Variants in MAGI3 observed in about 807,000 individuals in gnomAD.
The protein encoded by MAGI3 is membrane associated guanylate kinase, WW and PDZ domain containing 3, also known as membrane-associated guanylate kinase, WW and PDZ domain-containing protein 3.
In MAGI3, 43 loss-of-function variants were observed where a neutral mutation model predicts 121.8. The observed-to-expected ratio is 0.35, with a 90% CI of 0.28 to 0.46. The LOEUF (loss-of-function observed/expected upper bound fraction) is 0.46, where lower values mean the gene tolerates loss of function less well. MAGI3 is among the 20% of genes least tolerant of loss of function. The pLI, the probability that MAGI3 is intolerant of heterozygous loss-of-function variation, is 1.00. For missense variants in MAGI3, 1,547 were observed against 1,797.3 expected (o/e 0.86, Z 2.52); for synonymous variants, 553 against 639.3 (o/e 0.86, Z 2.04).
intron 6 of MAGI3, among the ~76,000 whole-genome samples, chr1:113,613,581 G>C (rs1650288958): frequency 6.6e-6 from 1 of 152,124 alleles, no homozygotes; most frequent in African/African-American, 2.4e-5. Flanking sequence ...TTCTAAACCT[G>C]TTTGCTGTCC....
chr1:113,660,480 C>T (rs1421047959), intron 16 of MAGI3, among the ~76,000 whole-genome samples: 1 of 152,032 alleles, frequency 6.6e-6, no homozygotes, highest in Admixed American at 6.6e-5. Flanking sequence ...CCTTCCCCCG[C>T]AACCGCAACT....
chr1:113,652,011 C>T (rs1313892485), intron 14 of MAGI3, among the ~76,000 whole-genome samples: 1 of 152,142 alleles, frequency 6.6e-6, no homozygotes, highest in African/African-American at 2.4e-5. Context: ...ATCTTCACAA[C>T]ACTATGAGGT....
At chr1:113,456,281 A>G (rs555314503) in intron 1 of MAGI3, among the ~76,000 whole-genome samples, 20 of 152,048 alleles carry the variant, frequency 1.3e-4, no homozygotes, top group African/African-American at 4.8e-4. Context: ...TTTCTTTAAT[A>G]GTGAGATTTA....
chr1:113,433,980 T>C (rs980727749), intron 1 of MAGI3, among the ~76,000 whole-genome samples: 5 of 152,200 alleles, frequency 3.3e-5, no homozygotes, highest in Admixed American at 6.5e-5. Flanking sequence ...TAAAAAGTTG[T>C]GGCCACTTTA....
At chr1:113,529,307 C>T (rs943640135) in intron 1 of MAGI3, among the ~76,000 whole-genome samples, 3 of 152,176 alleles carry the variant, frequency 2.0e-5, no homozygotes, top group Non-Finnish European at 4.4e-5. Flanking sequence ...ATTTATTTCT[C>T]ACAGTTCTGG....
chr1:113,631,300 G>C (rs994243973), intron 9 of MAGI3, among the ~76,000 whole-genome samples: 2 of 152,098 alleles, frequency 1.3e-5, no homozygotes, highest in African/African-American at 4.8e-5. Context: ...CCTGCTTTTT[G>C]TCTCTTGTAA....
At chr1:113,503,288 C>G (rs1393420067) in intron 1 of MAGI3, among the ~76,000 whole-genome samples, 2 of 37,000 alleles carry the variant, frequency 5.4e-5, no homozygotes, top group Non-Finnish European at 9.2e-5. Flanking sequence ...GCCTGGGTGT[C>G]AAAGCGAGAC....
chr1:113,412,273 T>C (rs1488944625), intron 1 of MAGI3, among the ~76,000 whole-genome samples: 1 of 152,172 alleles, frequency 6.6e-6, no homozygotes, highest in Non-Finnish European at 1.5e-5. Flanking sequence ...AGTCTATCAT[T>C]GATGGACATT....
At chr1:113,636,899 A>T (rs954017077) in intron 9 of MAGI3, among the ~76,000 whole-genome samples, 2 of 152,102 alleles carry the variant, frequency 1.3e-5, no homozygotes, top group Admixed American at 6.5e-5. Flanking sequence ...TTGCTTTATG[A>T]ATCTGGGTGC....
intron 1 of MAGI3, among the ~76,000 whole-genome samples, chr1:113,413,277 G>A (rs957970039): frequency 1.1e-4 from 16 of 152,238 alleles, no homozygotes; most frequent in African/African-American, 3.6e-4. Context: ...TTTGGTCACC[G>A]TAGCCTTGTA....
At chr1:113,495,595 C>T (rs373328455) in intron 1 of MAGI3, among the ~76,000 whole-genome samples, 3 of 151,992 alleles carry the variant, frequency 2.0e-5, no homozygotes, top group Admixed American at 6.6e-5. Context: ...AATGCATGTT[C>T]GAACTTTTAA....
At chr1:113,443,478 G>C (rs1351118154) in intron 1 of MAGI3, among the ~76,000 whole-genome samples, 1 of 152,114 alleles carries the variant, frequency 6.6e-6, no homozygotes, top group Admixed American at 6.5e-5. Context: ...CTCCTCATTA[G>C]AAGTTTTACT....
chr1:113,625,050 T>A (rs781457550), intron 9 of MAGI3, among the ~76,000 whole-genome samples: 9 of 152,224 alleles, frequency 5.9e-5, no homozygotes, highest in Middle Eastern at 3.2e-3. Flanking sequence ...TCCACTGGTC[T>A]ATGTGTCTGT....
chr1:113,398,970 A>G (rs1293522294), intron 1 of MAGI3, among the ~76,000 whole-genome samples: 1 of 152,146 alleles, frequency 6.6e-6, no homozygotes, highest in Non-Finnish European at 1.5e-5. Context: ...AGTGACAGAA[A>G]CGCTGTTGAG....
At chr1:113,484,604 G>C (rs1333565851) in intron 1 of MAGI3, among the ~76,000 whole-genome samples, 3 of 146,094 alleles carry the variant, frequency 2.1e-5, no homozygotes, top group Non-Finnish European at 3.0e-5. Flanking sequence ...GCTGAGCAGT[G>C]TTCTATTATA....
At chr1:113,661,897 C>T (rs533074278) in intron 16 of MAGI3, among the ~76,000 whole-genome samples, 2 of 152,108 alleles carry the variant, frequency 1.3e-5, no homozygotes, top group African/African-American at 2.4e-5. Flanking sequence ...TGAAAACATC[C>T]AGAATCTCTT....
At chr1:113,400,298 A>G (rs1466694595) in intron 1 of MAGI3, among the ~76,000 whole-genome samples, 1 of 152,174 alleles carries the variant, frequency 6.6e-6, no homozygotes, top group Non-Finnish European at 1.5e-5. Flanking sequence ...TGCCATAAAA[A>G]TAATAATTTT....
rs796441690 is a variant in MAGI3 at position 113,481,516 on chromosome 1, G to GT, written c.317-67990dup. Among the ~76,000 whole-genome samples, 367 of 149,538 alleles carry GT rather than the reference G, an allele frequency of 2.5e-3. 4 individuals carry two copies. Among genetic ancestry groups the GT allele is most frequent in the African/African-American group, 7.5e-3 (304 of 40,758 alleles). On this transcript the variant is annotated intron_variant, in intron 1 of 20. Transcript: ENST00000307546. ...ATTAGGGTTGTAGATTTTTACCTTT[G>GT]TTTTTTTTTCTTTTTTGAAAAAGAG... is the stretch of plus-strand genomic sequence containing the variant.
intron 9 of MAGI3, among the ~76,000 whole-genome samples, chr1:113,627,261 A>G (rs1180981115): frequency 6.6e-6 from 1 of 151,768 alleles, no homozygotes; most frequent in Non-Finnish European, 1.5e-5. Flanking sequence ...CTTGTTATTA[A>G]TTTCTGATTT....
Sources: gnomAD v4.1 joint callset for allele counts (sites outside exome capture counted in the v4.1 genomes callset) on GRCh38, gnomAD v4.1.1 for gene constraint, MANE v1.5 for transcripts, NCBI Gene and HGNC (gene_info 2026-07-23, HGNC 2026-07-21) for gene names.